XPO1: variants seen among roughly 807,000 people sequenced by gnomAD.
XPO1 encodes the protein exportin 1, also known as exportin-1.
In XPO1, 5 loss-of-function variants were observed where a neutral mutation model predicts 133.3. That is an observed-to-expected ratio of 0.04 (90% confidence interval 0.02 to 0.08). XPO1 has a LOEUF of 0.08. XPO1 is among the 10% of genes least tolerant of loss of function. The pLI, the probability that XPO1 is intolerant of heterozygous loss-of-function variation, is 1.00. For missense variants in XPO1, 506 were observed against 1,267.5 expected, an observed-to-expected ratio of 0.40 and a Z score of 9.12; for synonymous variants, 419 against 408.2, an observed-to-expected ratio of 1.03 and a Z score of -0.32.
chr2:61,504,151 AAG>A (rs1697682639), intron 4 of XPO1, among the ~76,000 whole-genome samples: 1 of 152,258 alleles, frequency 6.6e-6, no homozygotes, highest in Non-Finnish European at 1.5e-5. Context: ...TGTTAAAAAA[AAG>A]AGGGAAGTTT....
chr2:61,499,608 C>G (rs1697406727), intron 7 of XPO1, 105 bp downstream of exon 7: 1 of 1,121,308 alleles, frequency 8.9e-7, no homozygotes, highest in South Asian at 1.7e-5. Context: ...AGCAATTTAA[C>G]ATATTACTGA....
intron 24 of XPO1, among the ~76,000 whole-genome samples, chr2:61,480,971 C>T (rs957386202): frequency 2.2e-4 from 34 of 152,160 alleles, no homozygotes; most frequent in African/African-American, 6.7e-4. Context: ...TAAGTTTATC[C>T]GAATAACATC....
In XPO1 at chr2:61,495,592, T is replaced by C. The variant is rs1437415861; in HGVS notation, c.910A>G (p.Ile304Val). The change falls in exon 11 of 25, where the codon ATT (isoleucine) becomes GTT (valine). Residue 304 changes from isoleucine to valine, a missense_variant. Coordinates refer to ENST00000401558, the MANE Select transcript of XPO1 (RefSeq NM_003400.4). ...TTTCCATTTGAGTACGCAAGTCGAATATTGGTATTTAAAGGAAGCATCTGC... is the reference window on the plus strand; with the variant it reads ...TTTCCATTTGAGTACGCAAGTCGAACATTGGTATTTAAAGGAAGCATCTGC... Reference protein sequence around the residue: ...LKQMLPLNTNIRLAYSNGKDD... With the variant: ...LKQMLPLNTNVRLAYSNGKDD... 1.9e-6 allele frequency: 3 copies of C among 1,576,190 alleles called. No individual in the cohort carries two copies. The highest frequency in any genetic ancestry group is 2.3e-5 in the East Asian group (1 of 44,196).
intron 17 of XPO1, among the ~76,000 whole-genome samples, 191 bp from the exon 18 acceptor site, chr2:61,488,962 C>T (rs960514988): frequency 1.3e-5 from 2 of 151,992 alleles, no homozygotes; most frequent in Non-Finnish European, 2.9e-5. Flanking sequence ...AATAGCCAGG[C>T]GTGGTGGCAG....
chr2:61,488,358 AC>A, intron 18 of XPO1, 87 bp from the exon 19 acceptor site: 2 of 1,366,168 alleles, frequency 1.5e-6, no homozygotes, highest in Middle Eastern at 1.9e-4. Flanking sequence ...ATTCCATTTT[AC>A]CATTAAAAAG....
At chr2:61,520,986 G>A (rs1325888679) in intron 4 of XPO1, among the ~76,000 whole-genome samples, 1 of 152,090 alleles carries the variant, frequency 6.6e-6, no homozygotes, top group Non-Finnish European at 1.5e-5. Context: ...AAGTATGAAG[G>A]ACCTACTTGG....
intron 4 of XPO1, among the ~76,000 whole-genome samples, chr2:61,519,415 G>A (rs1308121730): frequency 2.0e-5 from 3 of 151,824 alleles, no homozygotes; most frequent in African/African-American, 4.8e-5. Context: ...AAAAGAACAT[G>A]TTAGCCAGGC....
At chr2:61,526,881 T>A (rs974418199) in intron 2 of XPO1, among the ~76,000 whole-genome samples, 2 of 152,034 alleles carry the variant, frequency 1.3e-5, no homozygotes, top group Non-Finnish European at 2.9e-5. Context: ...CTAATTTTTG[T>A]ATTTTTAGTA....
At chr2:61,502,965 CTTTTTTTT>C (rs201077547) in intron 4 of XPO1, among the ~76,000 whole-genome samples, 1 of 138,338 alleles carries the variant, frequency 7.2e-6, no homozygotes. Flanking sequence ...TGTTTCTTTT[CTTTTTTTT>C]TTTTTTTTTT....
At position 61,493,814 on chromosome 2, in the gene XPO1, C is replaced by T. The variant is rs1573132634; in HGVS notation, c.1245+80G>A. ...TCTCTTTTTATAGCTAATTTATTTA[C>T]ACAGATTAGAAGTATTTGGATTCAG... On this transcript the variant is annotated intron_variant, in intron 12 of 24. Coordinates refer to ENST00000401558, the MANE Select transcript of XPO1 (RefSeq NM_003400.4). 19 of 1,419,962 alleles carry T rather than the reference C, an allele frequency of 1.3e-5. No homozygotes were observed. The East Asian group carries it at 4.1e-4, about 31-fold the overall frequency. 88.0% of individuals were successfully genotyped at this position (1,419,962 alleles called of 1,614,324 possible). A position where few individuals can be genotyped will look rare whatever the true frequency, so the allele number is the denominator to read the frequency against.
At chr2:61,507,704 C>G (rs781429972) in intron 4 of XPO1, among the ~76,000 whole-genome samples, 6 of 151,574 alleles carry the variant, frequency 4.0e-5, no homozygotes, top group Non-Finnish European at 7.4e-5. Flanking sequence ...ATGGCAAAAC[C>G]TTGTCTCTGC....
chr2:61,485,715 A>T, intron 20 of XPO1, 53 bp downstream of exon 20: 2 of 1,447,518 alleles, frequency 1.4e-6, no homozygotes, highest in South Asian at 2.6e-5. Context: ...AGCTTTCAAG[A>T]ATTAAGGCTA....
intron 2 of XPO1, among the ~76,000 whole-genome samples, chr2:61,528,072 ACC>A (rs1274818804): frequency 8.6e-5 from 13 of 151,574 alleles, no homozygotes; most frequent in African/African-American, 3.1e-4. Context: ...GACTACAGGC[ACC>A]TGCCACCACG....
At chr2:61,482,314 G>A in intron 23 of XPO1, 66 bp downstream of exon 23, 2 of 1,426,432 alleles carry the variant, frequency 1.4e-6, no homozygotes, top group South Asian at 1.5e-5. Context: ...CAAAGTGCTG[G>A]GATTACAGGT....
intron 1 of XPO1, among the ~76,000 whole-genome samples, chr2:61,534,829 C>A (rs924007556): frequency 6.6e-6 from 1 of 152,090 alleles, no homozygotes; most frequent in Non-Finnish European, 1.5e-5. Flanking sequence ...AATAACTTAG[C>A]TTCTACACTC....
chr2:61,493,968 A>G lies in XPO1; in HGVS notation c.1171T>C (p.Ser391Pro). 1.2e-6 allele frequency: 2 copies of G among 1,614,118 alleles called. No individual in the cohort carries two copies. Among genetic ancestry groups the G allele is most frequent in the Non-Finnish European group, 1.7e-6 (2 of 1,180,012 alleles). Residue 391 changes from serine to proline, a missense_variant, in exon 12 of 25, where the codon TCT (serine) becomes CCT (proline). Ser to Pro is a moderately conservative substitution (Grantham distance 74). Around this residue, in one of 6 missense-constraint regions of XPO1, gnomAD observed 134 missense variants for 261.6 expected, o/e 0.51. Coordinates refer to ENST00000401558, the MANE Select transcript of XPO1 (RefSeq NM_003400.4). ...TGTTGACTTCCAGAAAGCAACGGAGAGGCAGATGTAGAGAATGGACTCTCT... is the reference window on the plus strand; with the variant it reads ...TGTTGACTTCCAGAAAGCAACGGAGGGGCAGATGTAGAGAATGGACTCTCT... ...YRESPFSTSASPLLSGSQHFD... is the reference protein window; with the variant it reads ...YRESPFSTSAPPLLSGSQHFD...
In XPO1 at chr2:61,478,840, G is replaced by A. The variant is rs1168895122; in HGVS notation, c.3196C>T (p.Pro1066Ser). 1 of 1,613,644 alleles carries A rather than the reference G, an allele frequency of 6.2e-7. No individual in the cohort carries two copies. ...VPGIFNPHEIPEEMCD is the reference protein window; with the variant it reads ...VPGIFNPHEISEEMCD ...GGATTTTAATCACACATTTCTTCTG[G>A]AATCTCATGTGGATTAAAGATGCCA... The change falls in exon 25 of 25, where the codon CCA becomes TCA. Residue 1066 changes from proline (P) to serine (S), a missense_variant. Coordinates refer to ENST00000401558, the MANE Select transcript of XPO1 (RefSeq NM_003400.4).
chr2:61,494,166 C>T lies in XPO1; in HGVS notation c.1048-75G>A. The T allele has an allele frequency of 2.3e-6, 3 of 1,323,886 alleles. No homozygotes were observed. In the South Asian group the frequency reaches 4.1e-5, roughly 18 times the overall value. 82.0% of individuals were successfully genotyped at this position (1,323,886 alleles called of 1,614,324 possible). On this transcript the variant is annotated intron_variant, in intron 11 of 24. Transcript: ENST00000401558. ...TCAAATTGCTTTTCACTTGTTACACCTTAAGGGAAAATAAAAATTCATGTT... is the reference window on the plus strand; with the variant it reads ...TCAAATTGCTTTTCACTTGTTACACTTTAAGGGAAAATAAAAATTCATGTT...
chr2:61,500,742 T>G (rs944472229), intron 6 of XPO1, among the ~76,000 whole-genome samples: 2 of 152,008 alleles, frequency 1.3e-5, no homozygotes, highest in Non-Finnish European at 2.9e-5. Flanking sequence ...GAGGTTTCAG[T>G]GAACTAAGAC....
Sources: gnomAD v4.1 joint callset for allele counts (sites outside exome capture counted in the v4.1 genomes callset) on GRCh38, gnomAD v4.1.1 for gene constraint, gnomAD v4.1.1 regional missense constraint, MANE v1.5 for transcripts, NCBI Gene and HGNC (gene_info 2026-07-23, HGNC 2026-07-21) for gene names.